The following TSPAN9 variants were observed in gnomAD, a reference collection of about 807,000 sequenced individuals.
TSPAN9 encodes tetraspanin 9, also known as tetraspanin-9.
TSPAN9 carries 16 observed loss-of-function variants against 31.0 expected under a neutral mutation model. The observed-to-expected ratio is 0.52, with a 90% confidence interval of 0.35 to 0.78. The LOEUF (loss-of-function observed/expected upper bound fraction) is 0.78, where lower values mean the gene tolerates loss of function less well. TSPAN9 is among the 30% of genes least tolerant of loss of function. The pLI, the probability that TSPAN9 is intolerant of heterozygous loss-of-function variation, is 0.01. For synonymous variants in TSPAN9, 145 were observed against 121.6 expected, an observed-to-expected ratio of 1.19 and a Z score of -1.27; for missense variants, 272 against 312.5, an observed-to-expected ratio of 0.87 and a Z score of 0.98.
intron 3 of TSPAN9, among the ~76,000 whole-genome samples, chr12:3,257,263 C>T (rs2153978687): frequency 6.6e-6 from 1 of 152,090 alleles, no homozygotes; most frequent in Middle Eastern, 3.4e-3. Context: ...TCGGAGGAAG[C>T]ATGTGGGCAG....
At chr12:3,251,207 G>A (rs1862238518) in intron 3 of TSPAN9, among the ~76,000 whole-genome samples, 1 of 152,202 alleles carries the variant, frequency 6.6e-6, no homozygotes, top group African/African-American at 2.4e-5. Context: ...TTGGTGGCAT[G>A]TAGAGCCCCA....
At chr12:3,111,665 G>A (rs1013559996) in intron 2 of TSPAN9, among the ~76,000 whole-genome samples, 3 of 149,194 alleles carry the variant, frequency 2.0e-5, no homozygotes, top group Admixed American at 6.7e-5. Flanking sequence ...CCAGGCTGGA[G>A]TGCAGTGGTG....
rs138345792 is a variant in TSPAN9, at chr12:3,161,488, G to A, written c.-17-39689G>A. ...TGCAGGTGTCCCAGCACCATTTGTT[G>A]ACATAAATAGGATCTTAAAGGACAC... On this transcript the variant is annotated intron_variant, in intron 2 of 8. Coordinates refer to ENST00000011898, the MANE Select transcript of TSPAN9 (RefSeq NM_006675.5). Among the ~76,000 whole-genome samples the A allele has an allele frequency of 1.5e-4, 23 of 152,280 alleles. No homozygotes were observed. The East Asian group carries it at 4.1e-3, about 27-fold the overall frequency.
intron 2 of TSPAN9, among the ~76,000 whole-genome samples, chr12:3,184,441 AAGAG>A (rs1304602558): frequency 1.3e-5 from 2 of 151,952 alleles, no homozygotes; most frequent in Non-Finnish European, 2.9e-5. Context: ...GAGAGAAAGA[AAGAG>A]AGAAAGAGAA....
chr12:3,266,955 G>A lies in TSPAN9; in HGVS notation c.64-11466G>A, dbSNP rs185749863. Among the ~76,000 whole-genome samples, 16 of 152,276 alleles carry A rather than the reference G, an allele frequency of 1.1e-4. No individual in the cohort carries two copies. The East Asian group carries it at 2.7e-3, about 26-fold the overall frequency. On this transcript the variant is annotated intron_variant, in intron 3 of 8. Coordinates refer to ENST00000011898, the MANE Select transcript of TSPAN9 (RefSeq NM_006675.5). Reference sequence around the variant, plus strand: ...AGGCAGTCTTTCCTGATACCTATTTGTGTAATTATGGTGTTACTTGCTGAG... The same window carrying A: ...AGGCAGTCTTTCCTGATACCTATTTATGTAATTATGGTGTTACTTGCTGAG...
intron 2 of TSPAN9, among the ~76,000 whole-genome samples, chr12:3,184,581 C>T (rs1474022894): frequency 6.6e-6 from 1 of 152,076 alleles, no homozygotes; most frequent in African/African-American, 2.4e-5. Flanking sequence ...GGAAAGGTAG[C>T]AGGGCTCCCC....
In TSPAN9 at chr12:3,147,969, C is replaced by T. The variant is rs1317421245; in HGVS notation, c.-17-53208C>T. Among the ~76,000 whole-genome samples the T allele has an allele frequency of 6.6e-6, 1 of 152,036 alleles. No homozygotes were observed. Among genetic ancestry groups the T allele is most frequent in the African/African-American group, 2.4e-5 (1 of 41,376 alleles). On this transcript the variant is annotated intron_variant, in intron 2 of 8. Transcript: ENST00000011898. The surrounding 1 kb of genome is among the most constrained non-coding windows in gnomAD (Gnocchi z 4.3). ...GGCTCCTGCAAGTCTAATCTGGGTA[C>T]ATTTGGAGATTGAGTGGAGGGTCTG...
rs79532397 is a variant in TSPAN9, at chr12:3,122,558, C to T, written c.-18+38839C>T. Among the ~76,000 whole-genome samples the T allele has an allele frequency of 2.8e-3, 424 of 151,960 alleles. 5 individuals carry two copies. In the East Asian group the frequency reaches 0.051, roughly 18 times the overall value. On this transcript the variant is annotated intron_variant, in intron 2 of 8. Coordinates refer to ENST00000011898, the MANE Select transcript of TSPAN9 (RefSeq NM_006675.5). ...ACAGGTGTGAGATACCACACCTGGC[C>T]CTGAGTTATTTCTAAATCCTAGCAG...
In TSPAN9 at chr12:3,141,063, G is replaced by A. The variant is rs180938521; in HGVS notation, c.-18+57344G>A. Among the ~76,000 whole-genome samples the A allele has an allele frequency of 1.1e-4, 17 of 152,022 alleles. No individual in the cohort carries two copies. The South Asian group carries it at 2.5e-3, about 22-fold the overall frequency. The stretch of plus-strand genomic sequence containing the variant: ...CCATGCATGGGGCCAGAGGGGAGCC[G>A]TGAGATTCAGTTGACGAGGACCACG... On this transcript the variant is annotated intron_variant, in intron 2 of 8. Coordinates refer to ENST00000011898, the MANE Select transcript of TSPAN9 (RefSeq NM_006675.5).
chr12:3,279,481 C>T (rs1177917171), intron 5 of TSPAN9, among the ~76,000 whole-genome samples: 3 of 152,172 alleles, frequency 2.0e-5, no homozygotes, highest in East Asian at 1.9e-4. Flanking sequence ...ACTCTCTGGG[C>T]GACGCTGGCT....
intron 3 of TSPAN9, among the ~76,000 whole-genome samples, chr12:3,267,804 G>A (rs1017761341): frequency 1.3e-5 from 2 of 152,124 alleles, no homozygotes; most frequent in South Asian, 2.1e-4. Flanking sequence ...CTGCCTCCTC[G>A]TGGTTCCTCC....
chr12:3,198,349 C>CACCA (rs2098368536), intron 2 of TSPAN9, among the ~76,000 whole-genome samples: 1 of 40,330 alleles, frequency 2.5e-5, no homozygotes, highest in Non-Finnish European at 5.3e-5. Flanking sequence ...CACAGCTCAC[C>CACCA]GTACCAGCAC....
intron 2 of TSPAN9, among the ~76,000 whole-genome samples, chr12:3,142,507 T>G (rs889144528): frequency 2.0e-5 from 3 of 152,212 alleles, no homozygotes; most frequent in African/African-American, 7.2e-5. Context: ...AAGGCGATGA[T>G]TATTTATTTG....
At chr12:3,241,094 G>A (rs1181707548) in intron 3 of TSPAN9, among the ~76,000 whole-genome samples, 5 of 152,162 alleles carry the variant, frequency 3.3e-5, no homozygotes, top group Non-Finnish European at 4.4e-5. Flanking sequence ...TTGAAAACAG[G>A]CTCATCCTCT....
At chr12:3,115,110 C>T (rs2098321555) in intron 2 of TSPAN9, among the ~76,000 whole-genome samples, 1 of 151,428 alleles carries the variant, frequency 6.6e-6, no homozygotes, top group South Asian at 2.1e-4. Context: ...CTGAGTCAAC[C>T]ATTAATGTAT....
chr12:3,238,019 C>T (rs956342522), intron 3 of TSPAN9, among the ~76,000 whole-genome samples: 1 of 152,144 alleles, frequency 6.6e-6, no homozygotes, highest in African/African-American at 2.4e-5. Flanking sequence ...ATTGTGGATC[C>T]TTCTCTACCT....
At chr12:3,250,875 C>T (rs1862234180) in intron 3 of TSPAN9, among the ~76,000 whole-genome samples, 1 of 152,226 alleles carries the variant, frequency 6.6e-6, no homozygotes, top group Non-Finnish European at 1.5e-5. Flanking sequence ...GAGGAAGGGC[C>T]TCGGGCCCTG....
intron 7 of TSPAN9, 92 bp from the exon 8 acceptor site, chr12:3,281,642 G>T (rs1862897461): frequency 2.1e-6 from 3 of 1,420,828 alleles, no homozygotes; most frequent in Middle Eastern, 4.2e-4. Context: ...TAAGAGCGAG[G>T]ACGAGGTGGA....
intron 2 of TSPAN9, among the ~76,000 whole-genome samples, chr12:3,104,087 G>A (rs1052598871): frequency 6.6e-6 from 1 of 152,144 alleles, no homozygotes. Flanking sequence ...TGCCTCCTGG[G>A]GCAGCGGGAG....
Sources: gnomAD v4.1 joint callset for allele counts (sites outside exome capture counted in the v4.1 genomes callset) on GRCh38, gnomAD v4.1.1 for gene constraint, Gnocchi (gnomAD v3.1) non-coding constraint, MANE v1.5 for transcripts, NCBI Gene and HGNC (gene_info 2026-07-23, HGNC 2026-07-21) for gene names.